The following ZNF143 variants were observed in gnomAD, a reference collection of about 807,000 sequenced individuals.
ZNF143 encodes the protein SPH-binding factor.
In ZNF143, 49 loss-of-function variants were observed where a neutral mutation model predicts 74.1. That is an observed-to-expected ratio of 0.66 (90% CI 0.53 to 0.84). The LOEUF is 0.84. ZNF143 is among the 40% of genes least tolerant of loss of function. ZNF143 has a pLI of 0.00. For synonymous variants in ZNF143, 304 were observed against 282.8 expected (o/e 1.07, Z -0.75); for missense variants, 637 against 793.4 (o/e 0.80, Z 2.37).
intron 7 of ZNF143, among the ~76,000 whole-genome samples, chr11:9,486,389 T>A (rs1239089601): frequency 4.3e-4 from 8 of 18,578 alleles, no homozygotes; most frequent in Admixed American, 1.9e-3. Flanking sequence ...ATATATATAA[T>A]ATATATAATA....
intron 13 of ZNF143, among the ~76,000 whole-genome samples, chr11:9,513,159 T>C (rs1380216391): frequency 2.6e-5 from 4 of 152,238 alleles, no homozygotes; most frequent in African/African-American, 9.6e-5. Context: ...CTTGATTCCA[T>C]TTTTAAGCTC....
At chr11:9,527,450 T>C in intron 15 of ZNF143, 80 bp from the exon 16 acceptor site, 2 of 1,309,198 alleles carry the variant, frequency 1.5e-6, no homozygotes, top group Non-Finnish European at 2.2e-6. Flanking sequence ...GTTTCACTTC[T>C]GGCATATAAC....
At chr11:9,470,523 TACTGGGGACA>T (rs1856506809) in intron 1 of ZNF143, among the ~76,000 whole-genome samples, 1 of 152,026 alleles carries the variant, frequency 6.6e-6, no homozygotes, top group Admixed American at 6.6e-5. Context: ...ATAATGAAGA[TACTGGGGACA>T]ATGTTTCAGG....
At chr11:9,507,983 G>A (rs1401647317) in intron 11 of ZNF143, among the ~76,000 whole-genome samples, 2 of 152,152 alleles carry the variant, frequency 1.3e-5, no homozygotes, top group Non-Finnish European at 2.9e-5. Flanking sequence ...ATTTTCTGTA[G>A]TAAAAAGTTC....
chr11:9,500,331 CTT>C (rs11327903), intron 10 of ZNF143, among the ~76,000 whole-genome samples: 167 of 143,118 alleles, frequency 1.2e-3, no homozygotes, highest in Non-Finnish European at 1.4e-3. Context: ...ACTAGATTTT[CTT>C]TTTTTTTTTT....
chr11:9,526,981 C>T (rs1230910292), intron 15 of ZNF143, among the ~76,000 whole-genome samples: 4 of 152,146 alleles, frequency 2.6e-5, no homozygotes, highest in South Asian at 2.1e-4. Flanking sequence ...CCCATCACCA[C>T]GCCCAGCAAT....
intron 14 of ZNF143, among the ~76,000 whole-genome samples, chr11:9,519,825 CAT>C (rs1206095489): frequency 2.0e-5 from 3 of 152,060 alleles, no homozygotes; most frequent in Non-Finnish European, 4.4e-5. Flanking sequence ...GCTGGGCTGT[CAT>C]ACACTCCCAC....
In ZNF143 at chr11:9,461,049, A is replaced by C; in HGVS notation, c.-35A>C. The C allele has an allele frequency of 1.0e-6, 1 of 985,348 alleles. No homozygotes were observed. Among genetic ancestry groups the C allele is most frequent in the Non-Finnish European group, 1.2e-6 (1 of 829,936 alleles). 61.0% of individuals were successfully genotyped at this position (985,348 alleles called of 1,614,324 possible). On this transcript the variant is annotated 5_prime_UTR_variant, in exon 1 of 16. Coordinates refer to ENST00000396602, the MANE Select transcript of ZNF143 (RefSeq NM_003442.6). The stretch of plus-strand genomic sequence containing the variant: ...TGTCCTGGTGCATGGTGGTCGGACG[A>C]AGGAATTGTTGGAAAATTTTCTCGG...
intron 13 of ZNF143, 84 bp downstream of exon 13, chr11:9,512,680 G>C (rs1848593354): frequency 6.4e-7 from 1 of 1,555,134 alleles, no homozygotes; most frequent in Non-Finnish European, 8.8e-7. Flanking sequence ...ATTGAGGAAA[G>C]CTTTGAAATA....
rs34432476 is a variant in ZNF143 at position 9,492,105 on chromosome 11, ATTTTTTT to A, written c.646-2524_646-2518del. On this transcript the variant is annotated intron_variant, in intron 7 of 15. Coordinates refer to ENST00000396602, the MANE Select transcript of ZNF143 (RefSeq NM_003442.6). Reference sequence around the variant, plus strand: ...AGGCATTCGCCACCACACCTGGCTAATTTTTTTTTTTTTTTTTTTTTTTGAGACGGAG... The same window carrying A: ...AGGCATTCGCCACCACACCTGGCTAATTTTTTTTTTTTTTTTGAGACGGAG... 3.7e-3 allele frequency among the ~76,000 whole-genome samples: 366 copies of A among 100,238 alleles called. 3 individuals carry two copies. Among genetic ancestry groups the A allele is most frequent in the African/African-American group, 0.014 (351 of 25,742 alleles). 65.8% of individuals were successfully genotyped at this position (100,238 alleles called of 152,430 possible).
intron 8 of ZNF143, 86 bp from the exon 9 acceptor site, chr11:9,496,217 G>A: frequency 8.7e-7 from 1 of 1,150,592 alleles, no homozygotes; most frequent in Non-Finnish European, 1.3e-6. Flanking sequence ...TCATTTAGCA[G>A]TGTGGGAAAA....
At chr11:9,486,442 ATAT>A (rs1259599190) in intron 7 of ZNF143, among the ~76,000 whole-genome samples, 5 of 43,860 alleles carry the variant, frequency 1.1e-4, no homozygotes, top group African/African-American at 2.7e-4. Flanking sequence ...TATATATAAT[ATAT>A]TATATATATT....
chr11:9,472,580 G>A (rs1464022202), intron 2 of ZNF143, 97 bp from the exon 3 acceptor site: 2 of 1,038,622 alleles, frequency 1.9e-6, no homozygotes, highest in Non-Finnish European at 2.9e-6. Flanking sequence ...TCTGAGTTAA[G>A]CAGTTTACCT....
intron 10 of ZNF143, among the ~76,000 whole-genome samples, chr11:9,500,465 G>A (rs896514662): frequency 1.3e-5 from 2 of 151,052 alleles, no homozygotes; most frequent in African/African-American, 2.4e-5. Flanking sequence ...ATGGAGTCTC[G>A]CTCTGTCGCC....
At chr11:9,486,967 C>G (rs1478200174) in intron 7 of ZNF143, among the ~76,000 whole-genome samples, 2 of 138,936 alleles carry the variant, frequency 1.4e-5, no homozygotes, top group Non-Finnish European at 3.1e-5. Context: ...TGCACCTGGC[C>G]CTTTTTTTTT....
At chr11:9,490,868 G>C (rs555662625) in intron 7 of ZNF143, among the ~76,000 whole-genome samples, 6 of 151,992 alleles carry the variant, frequency 3.9e-5, no homozygotes, top group African/African-American at 1.2e-4. Flanking sequence ...AAGTAGCTGG[G>C]ACCACAAGTA....
At chr11:9,483,287 C>CTTTT (rs1847321716) in intron 7 of ZNF143, among the ~76,000 whole-genome samples, 13 of 64,692 alleles carry the variant, frequency 2.0e-4, no homozygotes, top group Non-Finnish European at 3.6e-4. Flanking sequence ...AGCCAACATG[C>CTTTT]CTTTTTTTTT....
At chr11:9,472,610 A>G in intron 2 of ZNF143, 67 bp from the exon 3 acceptor site, 1 of 1,294,980 alleles carries the variant, frequency 7.7e-7, no homozygotes, top group Non-Finnish European at 1.1e-6. Flanking sequence ...TCTTTATTTG[A>G]AAAAAAAATT....
intron 7 of ZNF143, among the ~76,000 whole-genome samples, chr11:9,484,417 G>C (rs1454820001): frequency 6.6e-6 from 1 of 150,624 alleles, no homozygotes; most frequent in Admixed American, 6.6e-5. Flanking sequence ...ATTTCACCTT[G>C]TTGGCCAGGC....
Sources: gnomAD v4.1 joint callset for allele counts (sites outside exome capture counted in the v4.1 genomes callset) on GRCh38, gnomAD v4.1.1 for gene constraint, MANE v1.5 for transcripts, NCBI Gene and HGNC (gene_info 2026-07-23, HGNC 2026-07-21) for gene names.